The following RIMS2 variants were observed in gnomAD, a reference collection of about 807,000 sequenced individuals.
RIMS2 encodes regulating synaptic membrane exocytosis protein 2.
RIMS2 carries 59 observed loss-of-function variants against 174.4 expected under a neutral mutation model. The observed-to-expected ratio is 0.34, with a 90% CI of 0.27 to 0.42. The LOEUF (loss-of-function observed/expected upper bound fraction) is 0.42. Among genes scored for constraint, RIMS2 ranks in the 10% least tolerant of loss-of-function variants. The probability of loss-of-function intolerance (pLI) is 1.00; values close to 1 mark genes in which losing one functional copy is unlikely to be tolerated. For synonymous variants in RIMS2, 606 were observed against 572.5 expected (o/e 1.06, Z -0.84); for missense variants, 1,620 against 1,666.3 (o/e 0.97, Z 0.48).
At chr8:104,027,302 G>A (rs765673835) in intron 19 of RIMS2, among the ~76,000 whole-genome samples, 1 of 152,166 alleles carries the variant, frequency 6.6e-6, no homozygotes. Context: ...ACTTGTAAAT[G>A]AATATTTCTA....
chr8:103,682,625 C>CGTCAATTAACTCCTGA (rs2096893819), intron 1 of RIMS2, among the ~76,000 whole-genome samples: 1 of 152,080 alleles, frequency 6.6e-6, no homozygotes, highest in Non-Finnish European at 1.5e-5. Context: ...TGGCAAGGAA[C>CGTCAATTAACTCCTGA]GTCAATTAAC....
At chr8:103,692,620 G>T (rs1173583885) in intron 1 of RIMS2, among the ~76,000 whole-genome samples, 1 of 152,196 alleles carries the variant, frequency 6.6e-6, no homozygotes, top group Non-Finnish European at 1.5e-5. Flanking sequence ...ATCCTGCTAG[G>T]ACTGGGTTCT....
chr8:103,650,843 C>T (rs1351890915), intron 1 of RIMS2, among the ~76,000 whole-genome samples: 1 of 152,222 alleles, frequency 6.6e-6, no homozygotes, highest in Non-Finnish European at 1.5e-5. Flanking sequence ...CTCAGGCAGA[C>T]TCCAGCCTGC....
intron 19 of RIMS2, among the ~76,000 whole-genome samples, chr8:104,048,799 T>C (rs1277237876): frequency 6.6e-6 from 1 of 151,474 alleles, no homozygotes; most frequent in East Asian, 1.9e-4. Context: ...GTTTCATCCA[T>C]AGTAAATAAT....
chr8:103,651,575 T>C (rs540187764), intron 1 of RIMS2, among the ~76,000 whole-genome samples: 137 of 152,346 alleles, frequency 9.0e-4, no homozygotes, highest in African/African-American at 3.1e-3. Flanking sequence ...ACTTGATTAT[T>C]ATAGTTATTT....
chr8:103,627,900 A>C (rs962752720), intron 1 of RIMS2, among the ~76,000 whole-genome samples: 4 of 152,176 alleles, frequency 2.6e-5, no homozygotes, highest in African/African-American at 9.7e-5. Context: ...ATTTATGTTA[A>C]TCTAGTGCCT....
chr8:104,238,129 A>G (rs746904527), intron 19 of RIMS2, among the ~76,000 whole-genome samples: 2 of 152,190 alleles, frequency 1.3e-5, no homozygotes, highest in Non-Finnish European at 2.9e-5. Context: ...ATAAAAAACA[A>G]TGAGTTCATG....
chr8:103,845,557 A>G (rs2098963448), intron 3 of RIMS2, among the ~76,000 whole-genome samples: 1 of 152,190 alleles, frequency 6.6e-6, no homozygotes, highest in Non-Finnish European at 1.5e-5. Flanking sequence ...TGTTTAGATA[A>G]GTAATATGCC....
intron 1 of RIMS2, among the ~76,000 whole-genome samples, chr8:103,510,624 A>G (rs979400344): frequency 1.3e-5 from 2 of 152,036 alleles, no homozygotes; most frequent in African/African-American, 4.8e-5. Flanking sequence ...ATAACTTGCT[A>G]TATCTCTGAA....
chr8:104,162,272 G>A (rs2098767494), intron 19 of RIMS2, among the ~76,000 whole-genome samples: 1 of 152,020 alleles, frequency 6.6e-6, no homozygotes, highest in Non-Finnish European at 1.5e-5. Flanking sequence ...TGCTTCCTGG[G>A]AGTCAATGCA....
intron 1 of RIMS2, among the ~76,000 whole-genome samples, chr8:103,614,886 C>A (rs2095470339): frequency 6.6e-6 from 1 of 152,104 alleles, no homozygotes; most frequent in Non-Finnish European, 1.5e-5. Flanking sequence ...TGTTCACTGC[C>A]CTTTATATGA....
chr8:103,673,105 T>C (rs2096765285), intron 1 of RIMS2, among the ~76,000 whole-genome samples: 14 of 152,220 alleles, frequency 9.2e-5, no homozygotes, highest in Admixed American at 9.2e-4. Flanking sequence ...ATGTCCTGCG[T>C]GCAGGACACA....
chr8:103,921,939 G>T, intron 10 of RIMS2, 155 bp downstream of exon 13: 2 of 433,514 alleles, frequency 4.6e-6, no homozygotes, highest in East Asian at 3.8e-5. Context: ...ATCCAATTTT[G>T]ATTATTTATC....
At chr8:104,161,831 G>A (rs79509393) in intron 19 of RIMS2, among the ~76,000 whole-genome samples, 4,428 of 152,248 alleles carry the variant, frequency 0.029, 174 homozygotes, top group East Asian at 0.15. Flanking sequence ...AGTTGTTGGC[G>A]GAGCTCAGTG....
In RIMS2 at chr8:104,053,432, C is replaced by T. The variant is rs62528363; in HGVS notation, c.3334+38817C>T. 6.2e-3 allele frequency among the ~76,000 whole-genome samples: 940 copies of T among 152,278 alleles called. 12 individuals are homozygous for T. Among genetic ancestry groups the T allele is most frequent in the Non-Finnish European group, 7.6e-3 (519 of 68,016 alleles). ...ATTGATGGCTAGATTGTTAATTCCA[C>T]ATATTATATCTTCTCTTGGGAGATT... On this transcript the variant is annotated intron_variant, in intron 19 of 23. Coordinates refer to ENST00000504942, the Ensembl canonical transcript of RIMS2.
intron 1 of RIMS2, among the ~76,000 whole-genome samples, chr8:103,535,784 T>A (rs1237838024): frequency 6.6e-6 from 1 of 152,246 alleles, no homozygotes; most frequent in African/African-American, 2.4e-5. Flanking sequence ...ATGAAGAGAA[T>A]GTGAAATCAC....
chr8:103,741,879 A>T (rs1433048383), intron 2 of RIMS2, among the ~76,000 whole-genome samples: 1 of 152,112 alleles, frequency 6.6e-6, no homozygotes, highest in Non-Finnish European at 1.5e-5. Context: ...ACTTTCTGTC[A>T]GAGAAAGTCT....
At chr8:103,656,409 A>G (rs2096532062) in intron 1 of RIMS2, among the ~76,000 whole-genome samples, 1 of 152,086 alleles carries the variant, frequency 6.6e-6, no homozygotes, top group Non-Finnish European at 1.5e-5. Context: ...AAAATAACCT[A>G]GAGAGAGAGT....
chr8:103,908,044 G>A (rs2074857990), intron 4 of RIMS2, among the ~76,000 whole-genome samples: 1 of 148,762 alleles, frequency 6.7e-6, no homozygotes, highest in Non-Finnish European at 1.5e-5. Context: ...CACCGCGCCC[G>A]GCCTTTGTTT....
Sources: gnomAD v4.1 joint callset for allele counts (sites outside exome capture counted in the v4.1 genomes callset) on GRCh38, gnomAD v4.1.1 for gene constraint, MANE v1.5 for transcripts, NCBI Gene and HGNC (gene_info 2026-07-23, HGNC 2026-07-21) for gene names.